The following ATP7A variants were observed in gnomAD, a reference collection of about 807,000 sequenced individuals.
ATP7A encodes the protein ATPase copper transporting alpha.
ATP7A carries 7 observed loss-of-function variants against 83.5 expected under a neutral mutation model. The ratio of observed to expected loss-of-function variants is 0.08; its 90% CI spans 0.05 to 0.16. The LOEUF (loss-of-function observed/expected upper bound fraction) is 0.16, where lower values mean the gene tolerates loss of function less well. Among genes scored for constraint, ATP7A ranks in the 10% least tolerant of loss-of-function variants. ATP7A has a pLI of 1.00. For missense variants in ATP7A, 940 were observed against 1,120.8 expected, an observed-to-expected ratio of 0.84 and a Z score of 2.30; for synonymous variants, 354 against 395.2, an observed-to-expected ratio of 0.90 and a Z score of 1.24.
At chrX:77,927,784 C>A (rs1557223757) in intron 1 of ATP7A, among the ~76,000 whole-genome samples, 1 of 110,781 alleles carries the variant, frequency 9.0e-6, no homozygotes, top group Non-Finnish European at 1.9e-5. Context: ...ATCCCTCCCC[C>A]CATCCCACAA....
At chrX:78,005,325 C>T (rs1487294763) in intron 6 of ATP7A, among the ~76,000 whole-genome samples, 1 of 110,734 alleles carries the variant, frequency 9.0e-6, no homozygotes, top group Non-Finnish European at 1.9e-5. Flanking sequence ...AAAAAAAGTA[C>T]AGAAAATTTC....
At chrX:78,036,423 T>C in intron 17 of ATP7A, among the ~76,000 whole-genome samples, 1 of 111,018 alleles carries the variant, frequency 9.0e-6, no homozygotes, top group Non-Finnish European at 1.9e-5. Context: ...AGGAGTGTGC[T>C]TGACTTGTTT....
intron 1 of ATP7A, chrX:77,963,980 T>G (rs2077489451): frequency 8.9e-6 from 1 of 112,473 alleles, no homozygotes; most frequent in Non-Finnish European, 1.9e-5. Flanking sequence ...TGGTTACTGC[T>G]TTTACACTTA....
intron 2 of ATP7A, among the ~76,000 whole-genome samples, chrX:77,986,808 A>G (rs2055500072): frequency 9.0e-6 from 1 of 111,491 alleles, no homozygotes. Context: ...TCCCTCCTGT[A>G]TCACTCCACC....
chrX:78,036,189 A>G (rs2078012165), intron 17 of ATP7A, among the ~76,000 whole-genome samples: 1 of 111,698 alleles, frequency 9.0e-6, no homozygotes, highest in African/African-American at 3.3e-5. Flanking sequence ...AGAAAATACA[A>G]TAATTCCAAT....
intron 1 of ATP7A, among the ~76,000 whole-genome samples, chrX:77,967,299 C>T (rs782263124): frequency 2.7e-5 from 3 of 111,861 alleles, no homozygotes; most frequent in Non-Finnish European, 5.6e-5. Context: ...AATGGTATTT[C>T]TGGTTCTAGA....
chrX:78,017,566 A>G (rs2077874570), intron 12 of ATP7A, among the ~76,000 whole-genome samples: 1 of 111,261 alleles, frequency 9.0e-6, no homozygotes. Context: ...CTTCCTTTTT[A>G]AACATAAGTT....
intron 17 of ATP7A, among the ~76,000 whole-genome samples, chrX:78,036,662 C>T (rs1212321056): frequency 9.0e-6 from 1 of 111,463 alleles, no homozygotes. Flanking sequence ...GGGTGGATCA[C>T]TTCAGGTCAG....
In ATP7A at chrX:78,046,644, C is replaced by T. The variant is rs2078085270; in HGVS notation, c.*74C>T. Reference sequence around the variant, plus strand: ...CATTCATGATGTTACCTTCACTTTTCAAAATATTGTAGAAGGATTTTTCTC... The same window carrying T: ...CATTCATGATGTTACCTTCACTTTTTAAAATATTGTAGAAGGATTTTTCTC... On this transcript the variant is annotated 3_prime_UTR_variant, in exon 23 of 23. Coordinates refer to ENST00000341514, the MANE Select transcript of ATP7A (RefSeq NM_000052.7). 1.7e-6 allele frequency: 2 copies of T among 1,148,077 alleles called. No homozygotes were observed. Among genetic ancestry groups the T allele is most frequent in the Non-Finnish European group, 2.4e-6 (2 of 841,318 alleles). 94.6% of individuals were successfully genotyped at this position (1,148,077 alleles called of 1,213,427 possible).
At chrX:77,949,178 C>T (rs1259860741) in intron 1 of ATP7A, among the ~76,000 whole-genome samples, 1 of 112,090 alleles carries the variant, frequency 8.9e-6, no homozygotes, top group African/African-American at 3.2e-5. Context: ...GCGTGAGCCA[C>T]TGCGCCCGGC....
At chrX:78,013,140 A>T in intron 10 of ATP7A, 28 bp downstream of exon 10, 2 of 1,151,749 alleles carry the variant, frequency 1.7e-6, no homozygotes, top group African/African-American at 1.8e-5. Context: ...GACATTTGTT[A>T]AAATGTTGGG....
intron 1 of ATP7A, among the ~76,000 whole-genome samples, chrX:77,947,317 G>A (rs2077385466): frequency 9.0e-6 from 1 of 111,663 alleles, no homozygotes; most frequent in African/African-American, 3.3e-5. Context: ...TTGGGAAGAT[G>A]AAAAAGTTCT....
chrX:77,972,357 A>AT (rs1208908922), intron 2 of ATP7A, among the ~76,000 whole-genome samples: 109 of 104,166 alleles, frequency 1.0e-3, no homozygotes, highest in African/African-American at 1.8e-3. Context: ...ATGCTAGCTA[A>AT]TTTTTTTTTT....
At chrX:77,921,860 C>T (rs1223599605) in intron 1 of ATP7A, among the ~76,000 whole-genome samples, 1 of 111,569 alleles carries the variant, frequency 9.0e-6, no homozygotes, top group Non-Finnish European at 1.9e-5. Flanking sequence ...GAGCTGAGAT[C>T]ACGCTACTGC....
At chrX:78,036,247 G>T (rs2078012764) in intron 17 of ATP7A, among the ~76,000 whole-genome samples, 1 of 111,326 alleles carries the variant, frequency 9.0e-6, no homozygotes, top group South Asian at 3.8e-4. Flanking sequence ...GGGCATAGGG[G>T]TGCTGGGAGT....
intron 2 of ATP7A, chrX:77,976,006 G>A (rs1557230239): frequency 8.9e-6 from 1 of 111,862 alleles, no homozygotes; most frequent in Admixed American, 9.5e-5. Flanking sequence ...TACAGTAATG[G>A]CGGGAAGTTA....
In ATP7A at chrX:77,971,680, T is replaced by C. The variant is rs986987107; in HGVS notation, c.39T>C (p.Ser13=). The change falls in exon 2 of 23, where the codon TCT becomes TCC. Residue 13 remains serine (S), a synonymous_variant. Transcript: ENST00000341514. The stretch of plus-strand genomic sequence containing the variant: ...TGGGTGTGAATTCTGTTACCATTTC[T>C]GTTGAGGGTATGACTTGCAATTCCT... The part of the protein sequence containing the change: ...PSMGVNSVTI[S]VEGMTCNSCV... The C allele has an allele frequency of 8.3e-7, 1 of 1,210,612 alleles. No homozygotes were observed. Among genetic ancestry groups the C allele is most frequent in the Admixed American group, 2.2e-5 (1 of 46,039 alleles).
At chrX:77,976,062 T>A (rs1197095000) in intron 2 of ATP7A, 2 of 112,003 alleles carry the variant, frequency 1.8e-5, no homozygotes, top group African/African-American at 6.5e-5. Context: ...CCAGAATGGT[T>A]TTCCTATGAC....
At chrX:77,957,517 A>G (rs2077451997) in intron 1 of ATP7A, among the ~76,000 whole-genome samples, 1 of 109,715 alleles carries the variant, frequency 9.1e-6, no homozygotes, top group African/African-American at 3.3e-5. Context: ...TAAGTTCTTT[A>G]TATATTCTGG....
Sources: gnomAD v4.1 joint callset for allele counts (sites outside exome capture counted in the v4.1 genomes callset) on GRCh38, gnomAD v4.1.1 for gene constraint, MANE v1.5 for transcripts, NCBI Gene and HGNC (gene_info 2026-07-23, HGNC 2026-07-21) for gene names.